The following ANK2 variants were observed in gnomAD, a reference collection of about 807,000 sequenced individuals.
The protein encoded by ANK2 is ankyrin 2, also known as ankyrin-2.
ANK2 carries 83 observed loss-of-function variants against 360.5 expected under a neutral mutation model. The ratio of observed to expected loss-of-function variants is 0.23; its 90% CI spans 0.19 to 0.28. The LOEUF is 0.28. Among genes scored for constraint, ANK2 ranks in the 10% least tolerant of loss-of-function variants. The pLI, the probability that ANK2 is intolerant of heterozygous loss-of-function variation, is 1.00. For synonymous variants in ANK2, 1,740 were observed against 1,759.5 expected (o/e 0.99, Z 0.28); for missense variants, 4,201 against 4,795.7 (o/e 0.88, Z 3.66).
At chr4:113,312,279 G>GAA (rs567713285) in intron 24 of ANK2, among the ~76,000 whole-genome samples, 1 of 119,760 alleles carries the variant, frequency 8.4e-6, no homozygotes. Flanking sequence ...TCTTGAGACA[G>GAA]AAAAAAAAAA....
At chr4:112,817,886 T>A (rs1217371787), upstream of ANK2, among the ~76,000 whole-genome samples, 1 of 152,132 alleles carries the variant, frequency 6.6e-6, no homozygotes, top group Non-Finnish European at 1.5e-5. Flanking sequence ...TTTCCCTTCT[T>A]TTAGAACAGA....
chr4:112,825,247 T>C (rs917655586), intron 1 of ANK2, among the ~76,000 whole-genome samples: 42 of 151,996 alleles, frequency 2.8e-4, no homozygotes, highest in Non-Finnish European at 2.1e-4. Context: ...AAATAATAAG[T>C]TAATGGGTGC....
chr4:113,224,959 A>G (rs1297741428), intron 4 of ANK2, among the ~76,000 whole-genome samples: 1 of 149,110 alleles, frequency 6.7e-6, no homozygotes, highest in African/African-American at 2.5e-5. Context: ...TACCCATGCT[A>G]GTAATTTCTC....
At chr4:113,267,559 T>C (rs1271777949) in intron 14 of ANK2, among the ~76,000 whole-genome samples, 1 of 152,234 alleles carries the variant, frequency 6.6e-6, no homozygotes, top group Non-Finnish European at 1.5e-5. Context: ...CAGATGGTTG[T>C]AGATGTGTGG....
chr4:113,134,248 A>G (rs1217841758), intron 1 of ANK2, among the ~76,000 whole-genome samples: 5 of 150,106 alleles, frequency 3.3e-5, no homozygotes, highest in Admixed American at 3.3e-4. Flanking sequence ...TTAAACTGCA[A>G]TGGAAGTAGC....
chr4:113,128,874 C>A (rs748120923), intron 1 of ANK2, among the ~76,000 whole-genome samples: 8 of 152,286 alleles, frequency 5.3e-5, no homozygotes, highest in Non-Finnish European at 1.0e-4. Context: ...TCCTACCTCC[C>A]TTCACTTAGA....
intron 15 of ANK2, 101 bp from the exon 16 acceptor site, chr4:113,277,736 G>A (rs868749101): frequency 3.4e-6 from 3 of 885,650 alleles, no homozygotes; most frequent in East Asian, 2.6e-5. Context: ...TTTTCCAAAT[G>A]AAGAATCAGT....
At chr4:112,786,043 C>T in the ANK2 span, among the ~76,000 whole-genome samples, 8 of 151,840 alleles carry the variant, frequency 5.3e-5, no homozygotes, top group East Asian at 1.9e-4. Context: ...GGTTTTGCCA[C>T]GTTGGCCAGG....
intron 45 of ANK2, among the ~76,000 whole-genome samples, chr4:113,378,639 G>A (rs1406176759): frequency 6.6e-6 from 1 of 152,188 alleles, no homozygotes; most frequent in Non-Finnish European, 1.5e-5. Flanking sequence ...CTGCATGTGA[G>A]TGGCCAATAA....
Position 113,353,625 on chromosome 4 carries a change from G to A in ANK2, c.5007G>A (p.Leu1669=), listed in dbSNP as rs766685968. 1.2e-6 allele frequency: 2 copies of A among 1,613,960 alleles called. No individual in the cohort carries two copies. Among genetic ancestry groups the A allele is most frequent in the Admixed American group, 1.7e-5 (1 of 60,000 alleles). Reference sequence around the variant, plus strand: ...AGGCAGGGAAGAAATGTGAGGCTCTGGCTGTTGGCAGGAGCTCTGAAAAGG... The same window carrying A: ...AGGCAGGGAAGAAATGTGAGGCTCTAGCTGTTGGCAGGAGCTCTGAAAAGG... ...QDKAGKKCEA[L]AVGRSSEKEG... Residue 1669 remains leucine, a synonymous_variant, in exon 38 of 46, where the codon CTG becomes CTA. Transcript: ENST00000357077.
At chr4:113,367,973 G>A in intron 42 of ANK2, 122 bp downstream of exon 42, 1 of 1,198,390 alleles carries the variant, frequency 8.3e-7, no homozygotes, top group Non-Finnish European at 1.2e-6. Context: ...CCAAACACAA[G>A]TGCCAGAGCT....
chr4:113,120,332 A>G (rs1413166536), intron 1 of ANK2, among the ~76,000 whole-genome samples: 3 of 152,124 alleles, frequency 2.0e-5, no homozygotes, highest in Non-Finnish European at 4.4e-5. Flanking sequence ...ATTTCTTTGT[A>G]TGTCCAGATT....
At chr4:112,739,171 A>G in the ANK2 span, 1 of 361,716 alleles carries the variant, frequency 2.8e-6, no homozygotes. Context: ...ACAAAAACAA[A>G]CAAAAAAACT....
chr4:112,852,381 G>A (rs1321544177), intron 1 of ANK2, among the ~76,000 whole-genome samples: 2 of 152,094 alleles, frequency 1.3e-5, no homozygotes, highest in Non-Finnish European at 2.9e-5. Context: ...TTAAAATTAG[G>A]AACTTGGTTG....
chr4:113,189,908 A>T (rs1232081865), intron 2 of ANK2, among the ~76,000 whole-genome samples: 1 of 152,152 alleles, frequency 6.6e-6, no homozygotes, highest in African/African-American at 2.4e-5. Context: ...GGTTCATTGA[A>T]ATGTTAAATG....
At chr4:112,961,336 T>A (rs1474102219) in intron 2 of ANK2, among the ~76,000 whole-genome samples, 1 of 152,176 alleles carries the variant, frequency 6.6e-6, no homozygotes, top group African/African-American at 2.4e-5. Context: ...GTATTTTTTT[T>A]AGTTATGTGT....
chr4:113,009,315 T>G (rs924321668), intron 2 of ANK2, among the ~76,000 whole-genome samples: 3 of 152,196 alleles, frequency 2.0e-5, no homozygotes, highest in Admixed American at 1.3e-4. Context: ...TTGAAAACTG[T>G]TTTAAATATA....
chr4:113,279,421 A>G (rs1015862630), intron 17 of ANK2, among the ~76,000 whole-genome samples: 1 of 151,982 alleles, frequency 6.6e-6, no homozygotes, highest in African/African-American at 2.4e-5. Context: ...TGCAGATGAG[A>G]AGGTGAGATT....
intron 4 of ANK2, among the ~76,000 whole-genome samples, chr4:113,210,850 G>T (rs541211179): frequency 1.8e-4 from 27 of 152,264 alleles, no homozygotes; most frequent in African/African-American, 5.5e-4. Flanking sequence ...ATCAGTTTTT[G>T]TTGGTTCTTT....
Sources: gnomAD v4.1 joint callset for allele counts (sites outside exome capture counted in the v4.1 genomes callset) on GRCh38, gnomAD v4.1.1 for gene constraint, MANE v1.5 for transcripts, NCBI Gene and HGNC (gene_info 2026-07-23, HGNC 2026-07-21) for gene names.